PLCB1: variants seen among roughly 807,000 people sequenced by gnomAD.
PLCB1 encodes the protein phospholipase C beta 1.
PLCB1 carries 46 observed loss-of-function variants against 161.8 expected under a neutral mutation model. The observed-to-expected ratio is 0.28, with a 90% CI of 0.22 to 0.36. The LOEUF is 0.36. Ranked by LOEUF, PLCB1 falls within the 10% of genes least tolerant of loss-of-function variation. The pLI, the probability that PLCB1 is intolerant of heterozygous loss-of-function variation, is 1.00. For missense variants in PLCB1, 1,016 were observed against 1,472.5 expected, an observed-to-expected ratio of 0.69 and a Z score of 5.07; for synonymous variants, 517 against 503.7, an observed-to-expected ratio of 1.03 and a Z score of -0.35.
chr20:8,270,312 G>A (rs192920963), intron 2 of PLCB1, among the ~76,000 whole-genome samples: 31 of 152,066 alleles, frequency 2.0e-4, no homozygotes, highest in Non-Finnish European at 3.7e-4. Context: ...AGTACACAGT[G>A]TATTTTCTTC....
intron 1 of PLCB1, among the ~76,000 whole-genome samples, chr20:8,144,287 A>T (rs1293185819): frequency 6.6e-6 from 1 of 152,210 alleles, no homozygotes; most frequent in African/African-American, 2.4e-5. Flanking sequence ...CCACTAAGCC[A>T]GGAGCACCTC....
intron 2 of PLCB1, among the ~76,000 whole-genome samples, chr20:8,368,142 C>A (rs1334619595): frequency 2.0e-5 from 3 of 152,092 alleles, no homozygotes; most frequent in African/African-American, 7.2e-5. Context: ...AGATCTAGTT[C>A]TTTGTTAATT....
intron 3 of PLCB1, among the ~76,000 whole-genome samples, chr20:8,511,622 A>G (rs1288597872): frequency 6.6e-6 from 1 of 152,080 alleles, no homozygotes; most frequent in Non-Finnish European, 1.5e-5. Context: ...TGGCTATACT[A>G]GTTTATATTC....
chr20:8,642,456 G>A (rs570943314), intron 4 of PLCB1, among the ~76,000 whole-genome samples: 13 of 152,260 alleles, frequency 8.5e-5, no homozygotes, highest in Admixed American at 2.6e-4. Context: ...TGTTCAGCCA[G>A]GTGAGGCAAC....
Position 8,765,325 on chromosome 20 carries a change from T to C in PLCB1, c.2897T>C (p.Leu966Ser). The C allele has an allele frequency of 2.5e-6, 4 of 1,612,426 alleles. No individual in the cohort carries two copies. The highest frequency in any genetic ancestry group is 3.4e-6 in the Non-Finnish European group (4 of 1,179,714). The change falls in exon 26 of 32, where the codon TTG (leucine) becomes TCG (serine). Residue 966 changes from leucine (L) to serine (S), a missense_variant. Physicochemically the swap from Leu to Ser is moderately radical, Grantham distance 145. Coordinates refer to ENST00000338037, the MANE Select transcript of PLCB1 (RefSeq NM_015192.4). ...QNDYLRRRAA[L>S]EKSAKKDSKK... ...GACTACTTGAGAAGGAGAGCCGCTT[T>C]GGAAAAGTCCGCCAAAAAGGACAGT...
chr20:8,705,044 G>A (rs1235747932), intron 11 of PLCB1, among the ~76,000 whole-genome samples: 1 of 139,410 alleles, frequency 7.2e-6, no homozygotes, highest in Admixed American at 7.8e-5. Flanking sequence ...CCACATTAGG[G>A]AGGGCAGGCT....
chr20:8,568,146 C>T (rs1168859281), intron 3 of PLCB1, among the ~76,000 whole-genome samples: 3 of 152,136 alleles, frequency 2.0e-5, no homozygotes. Context: ...AAAACACCGT[C>T]TAAACTTCAA....
At chr20:8,458,797 C>G (rs1386542438) in intron 3 of PLCB1, among the ~76,000 whole-genome samples, 1 of 152,080 alleles carries the variant, frequency 6.6e-6, no homozygotes, top group Non-Finnish European at 1.5e-5. Flanking sequence ...TCCCACTTAA[C>G]AAGAGTAATA....
At chr20:8,454,557 T>C (rs1981212850) in intron 3 of PLCB1, among the ~76,000 whole-genome samples, 1 of 152,126 alleles carries the variant, frequency 6.6e-6, no homozygotes, top group South Asian at 2.1e-4. Context: ...ATGGATTGGA[T>C]GACGAATGGA....
intron 3 of PLCB1, among the ~76,000 whole-genome samples, chr20:8,413,033 C>T (rs1600384065): frequency 6.6e-6 from 1 of 150,564 alleles, no homozygotes; most frequent in Admixed American, 6.6e-5. Flanking sequence ...AATTCTAGCT[C>T]CAAAATTTGT....
rs186413534 is a variant in PLCB1 at position 8,506,827 on chromosome 20, A to G, written c.247-121467A>G. Among the ~76,000 whole-genome samples the G allele has an allele frequency of 2.6e-5, 4 of 152,302 alleles. No homozygotes were observed. In the East Asian group the frequency reaches 7.7e-4, roughly 29 times the overall value. On this transcript the variant is annotated intron_variant, in intron 3 of 31. Coordinates refer to ENST00000338037, the MANE Select transcript of PLCB1 (RefSeq NM_015192.4). The stretch of plus-strand genomic sequence containing the variant: ...AGATTTTTAATTTTAAAAGGATATT[A>G]TTGGAATTGTACTTTTTAAAATAGT...
chr20:8,416,484 G>A (rs756628789), intron 3 of PLCB1, among the ~76,000 whole-genome samples: 18 of 152,088 alleles, frequency 1.2e-4, no homozygotes, highest in Admixed American at 1.2e-3. Flanking sequence ...CACTAGCTGC[G>A]GGGGGTGCAA....
intron 9 of PLCB1, among the ~76,000 whole-genome samples, chr20:8,674,348 A>G (rs1990024242): frequency 6.6e-6 from 1 of 152,190 alleles, no homozygotes; most frequent in Non-Finnish European, 1.5e-5. Context: ...CACTCAAAAC[A>G]AGTCTCTCTC....
chr20:8,395,796 C>G (rs1987753130), intron 3 of PLCB1, among the ~76,000 whole-genome samples: 1 of 151,568 alleles, frequency 6.6e-6, no homozygotes, highest in African/African-American at 2.4e-5. Flanking sequence ...GAAGGTGTGA[C>G]TAGAAATCTG....
chr20:8,746,957 G>A (rs1448586044), intron 23 of PLCB1, among the ~76,000 whole-genome samples: 1 of 152,044 alleles, frequency 6.6e-6, no homozygotes, highest in Non-Finnish European at 1.5e-5. Context: ...CCAAGTGATG[G>A]GATACTGCTG....
At chr20:8,309,278 C>T (rs1984279848) in intron 2 of PLCB1, among the ~76,000 whole-genome samples, 1 of 152,086 alleles carries the variant, frequency 6.6e-6, no homozygotes, top group African/African-American at 2.4e-5. Flanking sequence ...TTGAAAATAT[C>T]CTTCTACGAG....
intron 1 of PLCB1, among the ~76,000 whole-genome samples, chr20:8,136,376 T>C (rs573104353): frequency 5.7e-4 from 87 of 152,190 alleles, no homozygotes; most frequent in Admixed American, 2.2e-3. Context: ...CCTGTAATCC[T>C]AGCACTTTGG....
chr20:8,558,370 A>T (rs1986030621), intron 3 of PLCB1, among the ~76,000 whole-genome samples: 1 of 151,774 alleles, frequency 6.6e-6, no homozygotes, highest in South Asian at 2.1e-4. Flanking sequence ...ACTCAAAAAG[A>T]TAAATGAAAC....
intron 31 of PLCB1, chr20:8,792,785 T>A (rs1219057494): frequency 1.3e-5 from 5 of 372,262 alleles, no homozygotes; most frequent in African/African-American, 1.1e-4. Flanking sequence ...AAATCATGAC[T>A]GTTAACATTG....
Sources: allele counts gnomAD v4.1 joint callset (sites outside exome capture counted in the v4.1 genomes callset), GRCh38; gene constraint gnomAD v4.1.1; transcripts MANE v1.5; gene names NCBI Gene and HGNC (gene_info 2026-07-23, HGNC 2026-07-21).